Variants in DCAF5 observed in about 807,000 individuals in gnomAD.
DCAF5 encodes the protein DDB1 and CUL4 associated factor 5, also known as DDB1- and CUL4-associated factor 5.
Under a neutral mutation model 80.7 loss-of-function variants are expected in DCAF5, and 9 were observed. That is an observed-to-expected ratio of 0.11 (90% CI 0.07 to 0.19). DCAF5 has a LOEUF of 0.19. DCAF5 is among the 10% of genes least tolerant of loss of function. The pLI is 1.00. For missense variants in DCAF5, 842 were observed against 1,205.7 expected (o/e 0.70, Z 4.47); for synonymous variants, 433 against 461.9 (o/e 0.94, Z 0.80).
At chr14:69,114,051 C>T (rs2140048407) in intron 5 of DCAF5, among the ~76,000 whole-genome samples, 1 of 152,262 alleles carries the variant, frequency 6.6e-6, no homozygotes, top group African/African-American at 2.4e-5. Context: ...AACAAGATAT[C>T]ATTTTTCCCC....
chr14:69,116,428 C>G lies in DCAF5; in HGVS notation c.603G>C (p.Arg201Ser). The G allele has an allele frequency of 1.5e-5, 25 of 1,613,632 alleles. No individual in the cohort carries two copies. Among genetic ancestry groups the G allele is most frequent in the Non-Finnish European group, 2.1e-5 (25 of 1,179,662 alleles). The change falls in exon 5 of 9, where the codon AGG becomes AGC. Residue 201 changes from arginine (R) to serine (S), a missense_variant. By Grantham distance (110) the Arg-to-Ser change is moderately radical. Around this residue, in one of 5 missense-constraint regions of DCAF5, gnomAD observed 142 missense variants for 311.9 expected, o/e 0.46. Coordinates refer to ENST00000341516, the MANE Select transcript of DCAF5 (RefSeq NM_003861.3). ...CCTTTGAATTGGCTGTGGCCAACAACCTGGGCTCCACAGGGTTAAACATGA... is the reference window on the plus strand; with the variant it reads ...CCTTTGAATTGGCTGTGGCCAACAAGCTGGGCTCCACAGGGTTAAACATGA... Reference protein sequence around the residue: ...HSVMFNPVEPRLLATANSKEG... With the variant: ...HSVMFNPVEPSLLATANSKEG...
At position 69,075,350 on chromosome 14, in the gene DCAF5, T is replaced by C. The variant is rs1013775850; in HGVS notation, c.941A>G (p.Glu314Gly). The change falls in exon 7 of 9, where the codon GAA becomes GGA. Residue 314 changes from glutamate to glycine, a missense_variant. Transcript: ENST00000341516. ...CATGTGAAGGATATACTTGCCTGCT[T>C]CTGGATCTGCAGGAATTCTCCACAT... ...LYMWRIPADP[E>G]AGGIGRVVNG... 6.2e-7 allele frequency: 1 copy of C among 1,605,686 alleles called. No individual in the cohort carries two copies. Among genetic ancestry groups the C allele is most frequent in the African/African-American group, 1.3e-5 (1 of 74,946 alleles).
intron 1 of DCAF5, among the ~76,000 whole-genome samples, chr14:69,126,532 A>G (rs1326966229): frequency 6.6e-6 from 1 of 152,160 alleles, no homozygotes; most frequent in Admixed American, 6.6e-5. Context: ...TCAAATTCTC[A>G]GCAAATTCAT....
chr14:69,069,943 A>G (rs2038619257), intron 7 of DCAF5, among the ~76,000 whole-genome samples: 1 of 152,194 alleles, frequency 6.6e-6, no homozygotes, highest in Non-Finnish European at 1.5e-5. Flanking sequence ...TTAGTGAGGA[A>G]TAACAGTCGT....
intron 5 of DCAF5, among the ~76,000 whole-genome samples, chr14:69,097,445 T>C (rs1230342248): frequency 6.6e-6 from 1 of 152,150 alleles, no homozygotes; most frequent in Admixed American, 6.5e-5. Flanking sequence ...TACACCCACA[T>C]TAATTTAGCA....
intron 5 of DCAF5, among the ~76,000 whole-genome samples, chr14:69,092,634 G>C (rs939798910): frequency 1.3e-5 from 2 of 152,078 alleles, no homozygotes; most frequent in Non-Finnish European, 2.9e-5. Context: ...TTGAACAATA[G>C]AAACTTGTTT....
intron 6 of DCAF5, among the ~76,000 whole-genome samples, chr14:69,088,285 T>C (rs866662263): frequency 5.3e-5 from 8 of 152,212 alleles, no homozygotes; most frequent in Non-Finnish European, 1.0e-4. Flanking sequence ...GCCTACAAAC[T>C]TGTATGTGTT....
At chr14:69,149,199 ACATT>A (rs1359678317) in intron 1 of DCAF5, among the ~76,000 whole-genome samples, 3 of 152,212 alleles carry the variant, frequency 2.0e-5, no homozygotes, top group African/African-American at 7.2e-5. Context: ...CTCAGAAAAC[ACATT>A]CAGAGAGGCT....
chr14:69,116,268 A>G, intron 5 of DCAF5, 98 bp downstream of exon 5: 1 of 1,402,768 alleles, frequency 7.1e-7, no homozygotes. Flanking sequence ...AGCAGAGATA[A>G]CTGCCAAAGA....
intron 1 of DCAF5, among the ~76,000 whole-genome samples, chr14:69,124,937 C>T (rs966404514): frequency 6.6e-6 from 1 of 152,222 alleles, no homozygotes; most frequent in African/African-American, 2.4e-5. Flanking sequence ...GAGAGGCACA[C>T]GTTTCTTCTA....
chr14:69,124,538 G>A (rs986874288), intron 1 of DCAF5, among the ~76,000 whole-genome samples: 8 of 152,144 alleles, frequency 5.3e-5, no homozygotes, highest in African/African-American at 1.9e-4. Context: ...AAATCAAGTC[G>A]TCCACCAAAC....
chr14:69,123,320 G>A (rs937229584), intron 1 of DCAF5, among the ~76,000 whole-genome samples: 8 of 152,190 alleles, frequency 5.3e-5, no homozygotes, highest in Non-Finnish European at 1.0e-4. Flanking sequence ...GAAATACCTG[G>A]CACCTACATG....
At chr14:69,112,660 G>C (rs929732632) in intron 5 of DCAF5, among the ~76,000 whole-genome samples, 1 of 150,604 alleles carries the variant, frequency 6.6e-6, no homozygotes, top group African/African-American at 2.5e-5. Flanking sequence ...ACCTCTCTGT[G>C]CCTTGATTTT....
chr14:69,107,594 C>T (rs2040206571), intron 5 of DCAF5, among the ~76,000 whole-genome samples: 1 of 152,186 alleles, frequency 6.6e-6, no homozygotes, highest in South Asian at 2.1e-4. Context: ...ACACCTCCAC[C>T]TTGTGGCTTA....
intron 1 of DCAF5, among the ~76,000 whole-genome samples, chr14:69,140,620 AT>A (rs951028508): frequency 2.0e-5 from 3 of 152,318 alleles, no homozygotes; most frequent in Admixed American, 2.0e-4. Flanking sequence ...ACAACAACCC[AT>A]AGGAAGACTG....
intron 1 of DCAF5, among the ~76,000 whole-genome samples, chr14:69,147,866 T>A (rs975300220): frequency 2.0e-5 from 3 of 152,192 alleles, no homozygotes; most frequent in African/African-American, 7.2e-5. Context: ...TTCATACTTA[T>A]GGGTTATTCT....
intron 5 of DCAF5, among the ~76,000 whole-genome samples, chr14:69,100,572 G>A (rs983624656): frequency 6.6e-6 from 1 of 152,138 alleles, no homozygotes; most frequent in Non-Finnish European, 1.5e-5. Flanking sequence ...AGTTTCCCTT[G>A]GTTAGCATTG....
At chr14:69,073,427 C>T (rs1167791345) in intron 7 of DCAF5, among the ~76,000 whole-genome samples, 1 of 152,186 alleles carries the variant, frequency 6.6e-6, no homozygotes, top group South Asian at 2.1e-4. Context: ...TTTAAGCCAC[C>T]CAGTCTGTGA....
chr14:69,140,238 G>C (rs2041324150), intron 1 of DCAF5, among the ~76,000 whole-genome samples: 1 of 151,876 alleles, frequency 6.6e-6, no homozygotes, highest in South Asian at 2.1e-4. Context: ...TTGCACTCCA[G>C]CCTGGGCGAC....
Sources: gnomAD v4.1 joint callset for allele counts (sites outside exome capture counted in the v4.1 genomes callset) on GRCh38, gnomAD v4.1.1 for gene constraint, gnomAD v4.1.1 regional missense constraint, MANE v1.5 for transcripts, NCBI Gene and HGNC (gene_info 2026-07-23, HGNC 2026-07-21) for gene names.